The following TENM3 variants were observed in gnomAD, a reference collection of about 807,000 sequenced individuals.
TENM3 encodes the protein teneurin-3.
In TENM3, 63 loss-of-function variants were observed where a neutral mutation model predicts 255.1. The ratio of observed to expected loss-of-function variants is 0.25; its 90% CI spans 0.20 to 0.30. The LOEUF is 0.30. TENM3 is among the 10% of genes least tolerant of loss of function. The probability of loss-of-function intolerance (pLI) is 1.00; values close to 1 mark genes in which losing one functional copy is unlikely to be tolerated. For missense variants in TENM3, 2,929 were observed against 3,461.1 expected (o/e 0.85, Z 3.86); for synonymous variants, 1,306 against 1,322.3 (o/e 0.99, Z 0.27).
At chr4:181,509,021 T>C in the TENM3 span, among the ~76,000 whole-genome samples, 1 of 147,618 alleles carries the variant, frequency 6.8e-6, no homozygotes, top group East Asian at 2.0e-4. Context: ...TTTCTTTGGG[T>C]AGGAATTCCC....
At chr4:182,129,469 T>A in the TENM3 span, among the ~76,000 whole-genome samples, 2 of 152,112 alleles carry the variant, frequency 1.3e-5, no homozygotes, top group Admixed American at 6.6e-5. Context: ...GATCAAAATG[T>A]TACAAAGCAT....
chr4:181,476,920 T>C, the TENM3 span, among the ~76,000 whole-genome samples: 1 of 152,222 alleles, frequency 6.6e-6, no homozygotes, highest in African/African-American at 2.4e-5. Context: ...ATAGCTCATG[T>C]AACACACATG....
intron 3 of TENM3, among the ~76,000 whole-genome samples, chr4:182,359,108 G>A (rs1476283831): frequency 6.6e-6 from 1 of 151,810 alleles, no homozygotes; most frequent in Non-Finnish European, 1.5e-5. Flanking sequence ...ATGTGCTGCT[G>A]GATTCGGTTT....
rs76119424 is a variant in TENM3, at chr4:182,179,986, G to T, written c.-76+35232G>T. On this transcript the variant is annotated intron_variant, in intron 1 of 2. Coordinates refer to the TENM3 transcript ENST00000512480. ...TAGTCTCTATGGGCTTTGTACTAAG[G>T]GCAGGAATCCACTTCCCTAAGTTAC... is the stretch of plus-strand genomic sequence containing the variant. Among the ~76,000 whole-genome samples, 747 of 151,910 alleles carry T rather than the reference G, an allele frequency of 4.9e-3. 7 individuals are homozygous for T. The highest frequency in any genetic ancestry group is 0.016 in the African/African-American group (677 of 41,420).
At chr4:182,431,409 G>A (rs1337806890) in intron 3 of TENM3, among the ~76,000 whole-genome samples, 3 of 151,422 alleles carry the variant, frequency 2.0e-5, no homozygotes, top group African/African-American at 7.3e-5. Flanking sequence ...CAGAAGAATA[G>A]CTTGAACCCG....
intron 1 of TENM3, among the ~76,000 whole-genome samples, chr4:182,150,245 G>A (rs546540083): frequency 2.5e-4 from 38 of 151,786 alleles, no homozygotes; most frequent in Admixed American, 6.6e-4. Flanking sequence ...AGGGGAGTAA[G>A]AGAAAGAGAG....
chr4:181,732,362 T>C, the TENM3 span, among the ~76,000 whole-genome samples: 1 of 152,212 alleles, frequency 6.6e-6, no homozygotes, highest in Non-Finnish European at 1.5e-5. Context: ...CTCTACTAAC[T>C]TGACTCAGGT....
chr4:182,655,625 T>G (rs1347599952), intron 6 of TENM3, among the ~76,000 whole-genome samples: 1 of 152,150 alleles, frequency 6.6e-6, no homozygotes. Context: ...TATTCAGATT[T>G]GCAAGAAAAT....
At chr4:181,642,914 AG>A in the TENM3 span, among the ~76,000 whole-genome samples, 1 of 152,134 alleles carries the variant, frequency 6.6e-6, no homozygotes, top group Non-Finnish European at 1.5e-5. Context: ...GTAGCCTTGT[AG>A]TATACTTTGA....
At chr4:182,262,689 T>A (rs1010113277) in intron 1 of TENM3, among the ~76,000 whole-genome samples, 1 of 151,654 alleles carries the variant, frequency 6.6e-6, no homozygotes. Context: ...CTCCTGTCCA[T>A]GGAGTAGCCA....
the TENM3 span, among the ~76,000 whole-genome samples, chr4:182,043,016 G>T: frequency 6.6e-6 from 1 of 151,466 alleles, no homozygotes; most frequent in Admixed American, 6.6e-5. Context: ...GAATAAAATT[G>T]TGGTGTAATT....
intron 3 of TENM3, among the ~76,000 whole-genome samples, chr4:182,593,675 A>G (rs1746895279): frequency 6.6e-6 from 1 of 151,944 alleles, no homozygotes; most frequent in Admixed American, 6.6e-5. Flanking sequence ...CACCTTTCCA[A>G]CTGTGCACAC....
At chr4:182,787,316 T>G (rs1765745612) in intron 24 of TENM3, among the ~76,000 whole-genome samples, 3 of 152,168 alleles carry the variant, frequency 2.0e-5, no homozygotes, top group Non-Finnish European at 4.4e-5. Context: ...TCAGGCTGCT[T>G]CAGGTCTGGA....
intron 1 of TENM3, among the ~76,000 whole-genome samples, chr4:182,291,602 G>A (rs1361870674): frequency 1.3e-5 from 2 of 152,130 alleles, no homozygotes; most frequent in Admixed American, 1.3e-4. Context: ...TACAGCTGAG[G>A]AAGCAGCCTC....
the TENM3 span, among the ~76,000 whole-genome samples, chr4:181,881,411 C>A: frequency 1.3e-5 from 2 of 151,938 alleles, no homozygotes; most frequent in South Asian, 2.1e-4. Flanking sequence ...AGAAGACAGA[C>A]AAAATGAACA....
chr4:182,297,955 C>T (rs73869914), intron 1 of TENM3, among the ~76,000 whole-genome samples: 2 of 152,210 alleles, frequency 1.3e-5, no homozygotes, highest in Admixed American at 6.5e-5. Flanking sequence ...TGCTCCCACA[C>T]GAGGCCTGTG....
rs973480577 is a variant in TENM3 at position 182,600,544 on chromosome 4, C to G, written c.512-380C>G. 2.1e-4 allele frequency among the ~76,000 whole-genome samples: 32 copies of G among 152,022 alleles called. 1 individual carries two copies. The highest frequency in any genetic ancestry group is 8.8e-5 in the Non-Finnish European group (6 of 68,002). Reference sequence around the variant, plus strand: ...AAACCTTTGTGTTCTACTGAAATTACCCATTTAATTTCAGGGTTGGTTTGT... The same window carrying G: ...AAACCTTTGTGTTCTACTGAAATTAGCCATTTAATTTCAGGGTTGGTTTGT... On this transcript the variant is annotated intron_variant, in intron 3 of 27. Coordinates refer to ENST00000511685, the MANE Select transcript of TENM3 (RefSeq NM_001080477.4).
chr4:182,604,587 G>A (rs1748236294), intron 4 of TENM3, among the ~76,000 whole-genome samples: 1 of 152,190 alleles, frequency 6.6e-6, no homozygotes, highest in Admixed American at 6.5e-5. Flanking sequence ...TAAAGGTATG[G>A]TACAGTAACT....
At chr4:182,709,691 G>A (rs970526514) in intron 12 of TENM3, among the ~76,000 whole-genome samples, 1 of 152,008 alleles carries the variant, frequency 6.6e-6, no homozygotes, top group Non-Finnish European at 1.5e-5. Context: ...ATTTCAGAAA[G>A]TTTTTTCTTC....
Sources: allele counts gnomAD v4.1 joint callset (sites outside exome capture counted in the v4.1 genomes callset), GRCh38; gene constraint gnomAD v4.1.1; transcripts MANE v1.5; gene names NCBI Gene and HGNC (gene_info 2026-07-23, HGNC 2026-07-21).